Variants in ARHGAP9 observed in about 807,000 individuals in gnomAD.
The protein encoded by ARHGAP9 is Rho GTPase activating protein 9, also known as rho GTPase-activating protein 9.
A neutral mutation model predicts 87.3 loss-of-function variants in ARHGAP9; 76 were observed. That is an observed-to-expected ratio of 0.87 (90% CI 0.72 to 1.05). The LOEUF (loss-of-function observed/expected upper bound fraction) is 1.05, where lower values mean the gene tolerates loss of function less well. Among genes scored for constraint, ARHGAP9 ranks in the 50% least tolerant of loss-of-function variants. The probability of loss-of-function intolerance (pLI) is 0.00; values close to 1 mark genes in which losing one functional copy is unlikely to be tolerated. For missense variants in ARHGAP9, 941 were observed against 960.5 expected, an observed-to-expected ratio of 0.98 and a Z score of 0.27; for synonymous variants, 382 against 394.9, an observed-to-expected ratio of 0.97 and a Z score of 0.39.
At position 57,477,475 on chromosome 12, in the gene ARHGAP9, C is replaced by T. The variant is rs374553966; in HGVS notation, c.740G>A (p.Arg247His). 7.2e-5 allele frequency: 116 copies of T among 1,613,922 alleles called. No homozygotes were observed. The highest frequency in any genetic ancestry group is 1.5e-4 in the Admixed American group (9 of 59,986). Reference sequence around the variant, plus strand: ...AGGTCTCACCGTCTCGCTGCGACTGCGGCGCGGGGGCTTCCAGGACTTGCA... The same window carrying T: ...AGGTCTCACCGTCTCGCTGCGACTGTGGCGCGGGGGCTTCCAGGACTTGCA... ...TGCKSWKPPRRSRSETNPGSM... is the reference protein window; with the variant it reads ...TGCKSWKPPRHSRSETNPGSM... Residue 247 changes from arginine (R) to histidine (H), a missense_variant, in exon 4 of 18, where the codon CGC (arginine) becomes CAC (histidine). Arg to His is a conservative substitution (Grantham distance 29). Transcript: ENST00000393791.
chr12:57,486,026 G>C (rs1476689972), intron 1 of ARHGAP9, among the ~76,000 whole-genome samples: 1 of 152,176 alleles, frequency 6.6e-6, no homozygotes, highest in Non-Finnish European at 1.5e-5. Context: ...CAGTGTGCTA[G>C]ATAGCCTGCA....
At chr12:57,488,027 G>A (rs1875566857) in intron 1 of ARHGAP9, 3 of 1,421,302 alleles carry the variant, frequency 2.1e-6, no homozygotes, top group South Asian at 1.2e-5. Context: ...GTGCCTCGCG[G>A]AGGCCGCTGA....
chr12:57,476,029 C>T (rs780226164), intron 9 of ARHGAP9, 42 bp downstream of exon 9: 1 of 1,505,046 alleles, frequency 6.6e-7, no homozygotes, highest in Non-Finnish European at 8.9e-7. Context: ...GGGGCGCCCT[C>T]GGGTCGGGTG....
chr12:57,475,264 T>C, intron 12 of ARHGAP9, 27 bp downstream of exon 12: 4 of 1,556,012 alleles, frequency 2.6e-6, no homozygotes, highest in Non-Finnish European at 3.5e-6. Context: ...AGTTTTCTTA[T>C]CCATGAACCT....
intron 1 of ARHGAP9, among the ~76,000 whole-genome samples, chr12:57,486,803 T>C (rs1875447251): frequency 6.8e-6 from 1 of 146,426 alleles, no homozygotes; most frequent in Non-Finnish European, 1.5e-5. Flanking sequence ...GAGAATGGCG[T>C]GAACCCCGGG....
At chr12:57,474,347 T>C in intron 15 of ARHGAP9, 76 bp downstream of exon 15, 10 of 1,594,314 alleles carry the variant, frequency 6.3e-6, no homozygotes, top group Non-Finnish European at 8.6e-6. Flanking sequence ...CCAGGAATAG[T>C]ACATGGGGGT....
At chr12:57,473,516 T>C (rs2139886451) in intron 17 of ARHGAP9, 87 bp downstream of exon 17, 2 of 1,266,040 alleles carry the variant, frequency 1.6e-6, no homozygotes, top group East Asian at 4.7e-5. Flanking sequence ...GGTGCTTCCC[T>C]ACCTTCACTC....
Position 57,473,820 on chromosome 12 carries a change from A to G in ARHGAP9, c.1919-112T>C, listed in dbSNP as rs190747515. ...GCATGGAAGACATCATTAATCTAGC[A>G]CAGCTTTCTTTTTCACATAGCCCAA... On this transcript the variant is annotated intron_variant, in intron 16 of 17. Coordinates refer to ENST00000393791, the MANE Select transcript of ARHGAP9 (RefSeq NM_032496.4). 4,610 of 1,203,496 alleles carry G rather than the reference A, an allele frequency of 3.8e-3. 20 individuals carry two copies. The highest frequency in any genetic ancestry group is 4.8e-3 in the Non-Finnish European group (4,119 of 849,546). 74.6% of individuals were successfully genotyped at this position (1,203,496 alleles called of 1,614,324 possible). A position where few individuals can be genotyped will look rare whatever the true frequency, so the allele number is the denominator to read the frequency against.
At chr12:57,473,473 G>A in intron 17 of ARHGAP9, 130 bp downstream of exon 17, 2 of 726,248 alleles carry the variant, frequency 2.8e-6, no homozygotes, top group Admixed American at 2.3e-5. Flanking sequence ...CTGCACAGAG[G>A]TTGCCTGCTT....
upstream of ARHGAP9, chr12:57,480,074 C>G: frequency 1.0e-6 from 1 of 985,360 alleles, no homozygotes; most frequent in Non-Finnish European, 1.2e-6. Context: ...GTTGAAATAT[C>G]ACCACCCTCC....
At chr12:57,488,171 G>A (rs1459114411) in intron 1 of ARHGAP9, 3 of 1,614,154 alleles carry the variant, frequency 1.9e-6, no homozygotes, top group East Asian at 2.2e-5. Context: ...GCAGAGCAGA[G>A]GTGCTCATCA....
At chr12:57,477,995 C>T in intron 3 of ARHGAP9, 3 of 1,185,472 alleles carry the variant, frequency 2.5e-6, no homozygotes, top group Non-Finnish European at 3.2e-6. Context: ...GAAGGGGGTG[C>T]CCCACCCTCA....
chr12:57,476,092 G>A lies in ARHGAP9; in HGVS notation c.1191C>T (p.Ser397=). Residue 397 remains serine (S), a synonymous_variant, in exon 9 of 18, where the codon TCC becomes TCT. Transcript: ENST00000393791. The part of the protein sequence containing the change: ...GAALAHGRHL[S]SRRNVLHIRT... ...TCACGTGCAGGACGTTGCGGCGGCT[G>A]GACAGGTGGCGGCCGTGCGCCAGGG... 3 of 1,538,256 alleles carry A rather than the reference G, an allele frequency of 2.0e-6. No homozygotes were observed. Among genetic ancestry groups the A allele is most frequent in the South Asian group, 2.4e-5 (2 of 83,518 alleles).
upstream of ARHGAP9, chr12:57,480,191 T>TG: frequency 1.1e-6 from 1 of 934,560 alleles, no homozygotes; most frequent in Non-Finnish European, 1.3e-6. Flanking sequence ...TCATGCTTTT[T>TG]TTTTTTTGAG....
chr12:57,476,276 T>C (rs1465200773), intron 8 of ARHGAP9, 88 bp downstream of exon 8: 12 of 1,532,236 alleles, frequency 7.8e-6, no homozygotes, highest in South Asian at 1.2e-5. Context: ...TACTTTCCTC[T>C]GCACCGCCCT....
In ARHGAP9 at chr12:57,475,515, G is replaced by A; in HGVS notation, c.1412C>T (p.Pro471Leu). Residue 471 changes from proline to leucine, a missense_variant, in exon 11 of 18, where the codon CCG becomes CTG. Transcript: ENST00000393791. ...CCGGCGGCTGCTGAGGCGCAGCAGC[G>A]GCTTGGACACCAGCTCCGACTCCTC... ...EEEESELVSK[P>L]LLRLSSRRSS... The A allele has an allele frequency of 6.2e-7, 1 of 1,605,232 alleles. No homozygotes were observed. The highest frequency in any genetic ancestry group is 1.1e-5 in the South Asian group (1 of 89,804).
chr12:57,477,178 G>A lies in ARHGAP9; in HGVS notation c.848C>T (p.Thr283Ile), dbSNP rs1398659388. Residue 283 changes from threonine (T) to isoleucine (I), a missense_variant, in exon 5 of 18, where the codon ACC becomes ATC. Coordinates refer to ENST00000393791, the MANE Select transcript of ARHGAP9 (RefSeq NM_032496.4). Reference protein sequence around the residue: ...QAKGFRSDTGTPEPLDPQGSL... With the variant: ...QAKGFRSDTGIPEPLDPQGSL... ...CACCTGTGGGTCAAGCGGTTCTGGGGTCCCTGTGTCAGATCTGAAGCCCTT... is the reference window on the plus strand; with the variant it reads ...CACCTGTGGGTCAAGCGGTTCTGGGATCCCTGTGTCAGATCTGAAGCCCTT... The A allele has an allele frequency of 6.2e-7, 1 of 1,612,988 alleles. No individual in the cohort carries two copies. Among genetic ancestry groups the A allele is most frequent in the East Asian group, 2.2e-5 (1 of 44,884 alleles).
At chr12:57,475,179 C>A in intron 12 of ARHGAP9, 112 bp downstream of exon 12, 2 of 1,244,824 alleles carry the variant, frequency 1.6e-6, no homozygotes, top group Non-Finnish European at 2.2e-6. Context: ...CCTAAACAAT[C>A]TGGGGTAGTG....
Position 57,476,052 on chromosome 12 carries a change from C to T in ARHGAP9, c.1212+19G>A. ...CTCGGGTCGGGTGGGGCCTTGGGGACGCGCGGGAGGGCGCTCACGTGCAGG... is the reference window on the plus strand; with the variant it reads ...CTCGGGTCGGGTGGGGCCTTGGGGATGCGCGGGAGGGCGCTCACGTGCAGG... On this transcript the variant is annotated intron_variant, in intron 9 of 17. Transcript: ENST00000393791. 6.6e-7 allele frequency: 1 copy of T among 1,515,578 alleles called. No homozygotes were observed. The highest frequency in any genetic ancestry group is 8.8e-7 in the Non-Finnish European group (1 of 1,132,480). The allele number at this position is 1,515,578 out of a possible 1,614,324, so 93.9% of individuals were successfully genotyped here. A position where few individuals can be genotyped will look rare whatever the true frequency, so the allele number is the denominator to read the frequency against.
Sources: allele counts gnomAD v4.1 joint callset (sites outside exome capture counted in the v4.1 genomes callset), GRCh38; gene constraint gnomAD v4.1.1; transcripts MANE v1.5; gene names NCBI Gene and HGNC (gene_info 2026-07-23, HGNC 2026-07-21).